KCNN2: variants seen among roughly 807,000 people sequenced by gnomAD.
The protein encoded by KCNN2 is small conductance calcium-activated potassium channel protein 2.
In KCNN2, 24 loss-of-function variants were observed where a neutral mutation model predicts 55.5. The ratio of observed to expected loss-of-function variants is 0.43; its 90% CI spans 0.31 to 0.61. The LOEUF is 0.61. Among genes scored for constraint, KCNN2 ranks in the 20% least tolerant of loss-of-function variants. The probability of loss-of-function intolerance (pLI) is 0.08; values close to 1 mark genes in which losing one functional copy is unlikely to be tolerated. For missense variants in KCNN2, 754 were observed against 853.6 expected (o/e 0.88, Z 1.45); for synonymous variants, 431 against 336.1 (o/e 1.28, Z -3.09).
intron 2 of KCNN2, among the ~76,000 whole-genome samples, chr5:114,398,529 C>G (rs1037311018): frequency 2.0e-5 from 3 of 147,054 alleles, no homozygotes; most frequent in African/African-American, 7.6e-5. Flanking sequence ...TTTGGCTATT[C>G]AGGCTTTTTT....
chr5:114,489,523 C>G (rs992453263), intron 6 of KCNN2, among the ~76,000 whole-genome samples: 3 of 152,080 alleles, frequency 2.0e-5, no homozygotes, highest in African/African-American at 7.2e-5. Flanking sequence ...ATGTGTACTT[C>G]TAAAGTAGAT....
At chr5:114,194,381 T>C (rs1753509166) in intron 1 of KCNN2, among the ~76,000 whole-genome samples, 1 of 152,104 alleles carries the variant, frequency 6.6e-6, no homozygotes, top group South Asian at 2.1e-4. Context: ...GTCTTTTTTA[T>C]TATAGCCATC....
intron 1 of KCNN2, among the ~76,000 whole-genome samples, chr5:114,119,022 A>G (rs1326525479): frequency 1.3e-5 from 2 of 152,216 alleles, no homozygotes; most frequent in Non-Finnish European, 2.9e-5. Context: ...GGGGGTGGAT[A>G]TAACAAGGAA....
chr5:114,171,467 G>A (rs369228528), intron 1 of KCNN2, among the ~76,000 whole-genome samples: 21 of 151,874 alleles, frequency 1.4e-4, no homozygotes, highest in African/African-American at 2.4e-4. Context: ...CTAATTATTC[G>A]ATTAATATTT....
intron 1 of KCNN2, among the ~76,000 whole-genome samples, chr5:114,152,768 G>A (rs1316075286): frequency 6.6e-6 from 1 of 152,156 alleles, no homozygotes; most frequent in African/African-American, 2.4e-5. Flanking sequence ...GTTACTCATA[G>A]GGAGAGGAGA....
At chr5:114,247,220 A>G (rs1754765793) in intron 2 of KCNN2, among the ~76,000 whole-genome samples, 1 of 149,258 alleles carries the variant, frequency 6.7e-6, no homozygotes, top group African/African-American at 2.5e-5. Flanking sequence ...AAAAAAAAAA[A>G]AAAGAAAAGA....
intron 2 of KCNN2, among the ~76,000 whole-genome samples, chr5:114,304,529 T>G (rs1756230359): frequency 6.6e-6 from 1 of 152,206 alleles, no homozygotes. Flanking sequence ...TGCTTCATCT[T>G]GACCAGGGCA....
chr5:114,488,352 A>G (rs1747676019), intron 6 of KCNN2, among the ~76,000 whole-genome samples: 1 of 152,176 alleles, frequency 6.6e-6, no homozygotes, highest in Non-Finnish European at 1.5e-5. Flanking sequence ...TTCCTAAGAT[A>G]GTGATGCTAT....
chr5:114,164,334 G>T (rs1242399363), intron 1 of KCNN2, among the ~76,000 whole-genome samples: 2 of 152,000 alleles, frequency 1.3e-5, no homozygotes, highest in African/African-American at 2.4e-5. Context: ...ACTGACCTAG[G>T]TTTATTTTTA....
At chr5:114,193,564 A>G (rs1753492705) in intron 1 of KCNN2, among the ~76,000 whole-genome samples, 1 of 152,166 alleles carries the variant, frequency 6.6e-6, no homozygotes. Context: ...GAGTTACATA[A>G]TGCAGGTTCA....
chr5:114,241,937 A>G (rs1490034737), intron 2 of KCNN2, among the ~76,000 whole-genome samples: 5 of 149,680 alleles, frequency 3.3e-5, no homozygotes, highest in East Asian at 2.0e-4. Flanking sequence ...ATGTACAGCT[A>G]TATAGAACCA....
At chr5:114,220,082 C>T (rs1754100484) in intron 1 of KCNN2, among the ~76,000 whole-genome samples, 1 of 152,088 alleles carries the variant, frequency 6.6e-6, no homozygotes, top group Non-Finnish European at 1.5e-5. Flanking sequence ...GCCTACAGGT[C>T]ATATAGTTGG....
chr5:114,274,870 A>G (rs187652606), intron 2 of KCNN2, among the ~76,000 whole-genome samples: 7 of 152,262 alleles, frequency 4.6e-5, no homozygotes, highest in East Asian at 3.9e-4. Flanking sequence ...TTCCAACACT[A>G]TGTTGAATAG....
chr5:114,378,756 T>C (rs28572100), intron 2 of KCNN2, among the ~76,000 whole-genome samples: 8,439 of 152,208 alleles, frequency 0.055, 775 homozygotes, highest in African/African-American at 0.19. Context: ...AGGCATCTCA[T>C]TGTGGCTTAT....
At chr5:114,481,047 A>G (rs1277216665) in intron 5 of KCNN2, among the ~76,000 whole-genome samples, 1 of 152,208 alleles carries the variant, frequency 6.6e-6, no homozygotes, top group Admixed American at 6.5e-5. Flanking sequence ...TCAAATAGGA[A>G]GAGAGGAAGT....
At chr5:114,452,761 C>T (rs1760749813) in intron 3 of KCNN2, among the ~76,000 whole-genome samples, 1 of 152,188 alleles carries the variant, frequency 6.6e-6, no homozygotes, top group African/African-American at 2.4e-5. Context: ...TATGCCGCTA[C>T]AGTGAATAGC....
intron 2 of KCNN2, among the ~76,000 whole-genome samples, chr5:114,365,581 T>C (rs529909765): frequency 6.6e-6 from 1 of 152,320 alleles, no homozygotes; most frequent in African/African-American, 2.4e-5. Flanking sequence ...AGCTAGACAG[T>C]GCACAGTGAG....
intron 1 of KCNN2, among the ~76,000 whole-genome samples, chr5:114,123,386 A>C: frequency 2.1e-5 from 1 of 48,754 alleles, no homozygotes. Flanking sequence ...TTTTTGAGAC[A>C]GAGTCTCGCT....
intron 4 of KCNN2, among the ~76,000 whole-genome samples, chr5:114,467,535 C>T (rs1157047755): frequency 6.6e-6 from 1 of 152,076 alleles, no homozygotes; most frequent in Non-Finnish European, 1.5e-5. Context: ...GATAAAGCCC[C>T]AGTGAAGAGA....
Sources: allele counts gnomAD v4.1 joint callset (sites outside exome capture counted in the v4.1 genomes callset), GRCh38; gene constraint gnomAD v4.1.1; transcripts MANE v1.5; gene names NCBI Gene and HGNC (gene_info 2026-07-23, HGNC 2026-07-21).